Variants in HOOK3 observed in about 807,000 individuals in gnomAD.
HOOK3 encodes the protein hook microtubule tethering protein 3, also known as protein Hook homolog 3.
A neutral mutation model predicts 116.3 loss-of-function variants in HOOK3; 24 were observed. The observed-to-expected ratio is 0.21, with a 90% CI of 0.15 to 0.29. HOOK3 has a LOEUF of 0.29. HOOK3 is among the 10% of genes least tolerant of loss of function. The pLI is 1.00. For synonymous variants in HOOK3, 275 were observed against 283.0 expected, an observed-to-expected ratio of 0.97 and a Z score of 0.28; for missense variants, 632 against 830.2, an observed-to-expected ratio of 0.76 and a Z score of 2.93.
chr8:42,955,976 A>T (rs971538822), intron 6 of HOOK3, among the ~76,000 whole-genome samples: 2 of 152,054 alleles, frequency 1.3e-5, no homozygotes, highest in South Asian at 4.1e-4. Context: ...CAAGCATTCC[A>T]TCCACCCCAG....
chr8:42,924,573 A>G (rs1269805619), intron 2 of HOOK3, among the ~76,000 whole-genome samples: 4 of 152,202 alleles, frequency 2.6e-5, no homozygotes, highest in Non-Finnish European at 4.4e-5. Context: ...AGAAATCAGA[A>G]TTTAGTGATG....
chr8:42,942,795 G>A (rs1288434530), intron 4 of HOOK3, among the ~76,000 whole-genome samples: 1 of 152,220 alleles, frequency 6.6e-6, no homozygotes, highest in Admixed American at 6.5e-5. Context: ...TTGTCAGGCA[G>A]AGACCTGCCC....
intron 18 of HOOK3, among the ~76,000 whole-genome samples, chr8:43,009,349 T>C (rs1586633091): frequency 6.6e-6 from 1 of 150,746 alleles, no homozygotes. Flanking sequence ...GAGGTTGGAG[T>C]GAGCCGAGAT....
At chr8:42,929,094 G>A (rs528272860) in intron 3 of HOOK3, among the ~76,000 whole-genome samples, 1 of 152,056 alleles carries the variant, frequency 6.6e-6, no homozygotes, top group African/African-American at 2.4e-5. Flanking sequence ...TTTGTGATGT[G>A]ATTTAAAAAA....
chr8:42,923,937 A>C (rs141144063), intron 2 of HOOK3, among the ~76,000 whole-genome samples: 3,768 of 152,284 alleles, frequency 0.025, 234 homozygotes, highest in Admixed American at 0.14. Context: ...TTGTAACTTT[A>C]AAAAAATATA....
chr8:43,030,298 A>T lies in HOOK3; in HGVS notation c.*11800A>T, dbSNP rs1452615395. On this transcript the variant is annotated 3_prime_UTR_variant, in exon 22 of 22. Coordinates refer to ENST00000307602, the MANE Select transcript of HOOK3 (RefSeq NM_032410.4). ...GAAGATGGATTTTTAGTGTTTTTGA[A>T]ATCTTGTATTTCCTTTTGATATCAT... 1 of 188,274 alleles carries T rather than the reference A, an allele frequency of 5.3e-6. No individual in the cohort carries two copies. The highest frequency in any genetic ancestry group is 1.1e-5 in the Non-Finnish European group (1 of 89,444). The allele number at this position is 188,274 out of a possible 1,614,324, so 11.7% of individuals were successfully genotyped here.
intron 2 of HOOK3, among the ~76,000 whole-genome samples, chr8:42,920,597 C>T (rs1450168937): frequency 1.3e-5 from 2 of 152,100 alleles, no homozygotes; most frequent in African/African-American, 4.8e-5. Flanking sequence ...TGATGAATGA[C>T]GCTGGTCTTT....
chr8:42,996,037 T>C (rs560134222), intron 15 of HOOK3, among the ~76,000 whole-genome samples: 1 of 152,200 alleles, frequency 6.6e-6, no homozygotes, highest in Admixed American at 6.5e-5. Context: ...ACCCAAGACC[T>C]TGGGAGGTAA....
At chr8:42,938,730 A>G (rs1563295808) in intron 4 of HOOK3, among the ~76,000 whole-genome samples, 1 of 151,328 alleles carries the variant, frequency 6.6e-6, no homozygotes, top group Non-Finnish European at 1.5e-5. Flanking sequence ...TTATTTATTT[A>G]TTTTTATTGA....
chr8:42,978,249 T>A (rs753737008), intron 13 of HOOK3, among the ~76,000 whole-genome samples: 2 of 152,150 alleles, frequency 1.3e-5, no homozygotes, highest in Non-Finnish European at 2.9e-5. Context: ...AGATAACCAT[T>A]TTCTTTTTTT....
At chr8:42,990,142 C>A (rs182830007) in intron 15 of HOOK3, among the ~76,000 whole-genome samples, 1 of 151,820 alleles carries the variant, frequency 6.6e-6, no homozygotes, top group East Asian at 1.9e-4. Flanking sequence ...ACTATAGGTA[C>A]ACACCACCAT....
At chr8:43,000,255 A>G in intron 16 of HOOK3, 2 of 1,285,366 alleles carry the variant, frequency 1.6e-6, no homozygotes. Context: ...GTCTCTTGGC[A>G]TGGTTTCTGC....
At chr8:42,926,474 C>CT (rs564408733) in intron 3 of HOOK3, among the ~76,000 whole-genome samples, 156 of 152,180 alleles carry the variant, frequency 1.0e-3, no homozygotes, top group African/African-American at 3.5e-3. Flanking sequence ...TTTGTAGAGA[C>CT]GGGGTTTCAC....
At chr8:42,905,295 C>CTTTT (rs757313100) in intron 1 of HOOK3, among the ~76,000 whole-genome samples, 3 of 60,848 alleles carry the variant, frequency 4.9e-5, no homozygotes, top group Non-Finnish European at 1.0e-4. Context: ...GGACATAGTT[C>CTTTT]TTTTTTTTTT....
chr8:42,938,172 T>C (rs1291444052), intron 4 of HOOK3, among the ~76,000 whole-genome samples: 3 of 152,090 alleles, frequency 2.0e-5, no homozygotes, highest in Non-Finnish European at 4.4e-5. Context: ...TTGATCTTTG[T>C]TGGTTTATAG....
chr8:42,980,735 C>T (rs1341791418), intron 13 of HOOK3, among the ~76,000 whole-genome samples: 6 of 152,004 alleles, frequency 3.9e-5, no homozygotes, highest in Non-Finnish European at 7.4e-5. Context: ...ATTACAAGAA[C>T]TATCTGGGTG....
At chr8:43,003,433 G>A (rs1411043695) in intron 17 of HOOK3, among the ~76,000 whole-genome samples, 3 of 151,874 alleles carry the variant, frequency 2.0e-5, no homozygotes, top group South Asian at 4.2e-4. Flanking sequence ...ACTGAATTCT[G>A]TCCTTTAAAA....
Position 43,018,674 on chromosome 8 carries a change from GT to G in HOOK3, c.*181del. ...CTGTATCTTTGTTTTAGTTTCTTTG[GT>G]TTTTATTTTGTAGTCCTTTCAGTTA... On this transcript the variant is annotated 3_prime_UTR_variant, in exon 22 of 22. Transcript: ENST00000307602. 1 of 614,618 alleles carries G rather than the reference GT, an allele frequency of 1.6e-6. No homozygotes were observed. The highest frequency in any genetic ancestry group is 2.5e-6 in the Non-Finnish European group (1 of 401,726). The allele number at this position is 614,618 out of a possible 1,614,324, so 38.1% of individuals were successfully genotyped here. A position where few individuals can be genotyped will look rare whatever the true frequency, so the allele number is the denominator to read the frequency against.
chr8:42,984,965 G>T (rs1809023360), intron 14 of HOOK3, among the ~76,000 whole-genome samples: 1 of 152,270 alleles, frequency 6.6e-6, no homozygotes, highest in Non-Finnish European at 1.5e-5. Flanking sequence ...ACTAGATACG[G>T]ATTAAAATAT....
Sources: gnomAD v4.1 joint callset for allele counts (sites outside exome capture counted in the v4.1 genomes callset) on GRCh38, gnomAD v4.1.1 for gene constraint, MANE v1.5 for transcripts, NCBI Gene and HGNC (gene_info 2026-07-23, HGNC 2026-07-21) for gene names.